The following PCDH11X variants were observed in gnomAD, a reference collection of about 807,000 sequenced individuals.
PCDH11X encodes the protein protocadherin-11 X-linked.
In PCDH11X, 18 loss-of-function variants were observed where a neutral mutation model predicts 53.3. That is an observed-to-expected ratio of 0.34 (90% confidence interval 0.23 to 0.50). The LOEUF is 0.50. Among genes scored for constraint, PCDH11X ranks in the 20% least tolerant of loss-of-function variants. The probability of loss-of-function intolerance (pLI) is 0.98; values close to 1 mark genes in which losing one functional copy is unlikely to be tolerated. For synonymous variants in PCDH11X, 279 were observed against 393.3 expected (o/e 0.71, Z 3.44); for missense variants, 570 against 1,032.4 (o/e 0.55, Z 6.14).
At chrX:91,967,120 T>C (rs1476879001) in intron 6 of PCDH11X, among the ~76,000 whole-genome samples, 2 of 109,451 alleles carry the variant, frequency 1.8e-5, no homozygotes, top group Non-Finnish European at 3.8e-5. Flanking sequence ...CTGAGGATGA[T>C]GGCTTCCAGC....
At chrX:92,617,407 G>A (rs1376166075) in intron 10 of PCDH11X, among the ~76,000 whole-genome samples, 1 of 111,544 alleles carries the variant, frequency 9.0e-6, no homozygotes, top group African/African-American at 3.3e-5. Flanking sequence ...ATATTTTGAA[G>A]CTCTGTTGTA....
intron 9 of PCDH11X, among the ~76,000 whole-genome samples, chrX:92,401,922 C>A (rs1352313357): frequency 8.9e-6 from 1 of 112,049 alleles, no homozygotes; most frequent in Non-Finnish European, 1.9e-5. Context: ...GAGATATAAT[C>A]ATTTTTGTGA....
chrX:92,212,213 T>C (rs1225080597), intron 7 of PCDH11X, among the ~76,000 whole-genome samples: 1 of 111,334 alleles, frequency 9.0e-6, no homozygotes, highest in East Asian at 2.8e-4. Context: ...GGTTTCACCC[T>C]GTTGACCAGG....
At chrX:91,875,247 G>A (rs1036331327) in intron 5 of PCDH11X, among the ~76,000 whole-genome samples, 3 of 106,952 alleles carry the variant, frequency 2.8e-5, no homozygotes, top group African/African-American at 1.0e-4. Flanking sequence ...TTTGTGTGTA[G>A]GGATCATCTT....
intron 6 of PCDH11X, among the ~76,000 whole-genome samples, chrX:91,990,154 T>C (rs2062297604): frequency 9.0e-6 from 1 of 111,164 alleles, no homozygotes. Context: ...TCCATTTGAT[T>C]CTTTTATAAT....
At chrX:92,163,122 C>T (rs1448911873) in intron 6 of PCDH11X, among the ~76,000 whole-genome samples, 1 of 106,085 alleles carries the variant, frequency 9.4e-6, no homozygotes, top group Non-Finnish European at 1.9e-5. Flanking sequence ...AGGGGAAAGC[C>T]GGCAGTTACA....
Position 92,383,774 on chromosome X carries a change from C to T in PCDH11X, c.3145-3961C>T, listed in dbSNP as rs75552040. On this transcript the variant is annotated intron_variant, in intron 8 of 10. Coordinates refer to ENST00000682573, the MANE Select transcript of PCDH11X (RefSeq NM_032968.5). Reference sequence around the variant, plus strand: ...AAGTCTTTGCTATTGTGAACAGTGCCGCAATAAACATACACGTGCATGAGT... The same window carrying T: ...AAGTCTTTGCTATTGTGAACAGTGCTGCAATAAACATACACGTGCATGAGT... Among the ~76,000 whole-genome samples the T allele has an allele frequency of 1.6e-3, 178 of 111,546 alleles. 2 individuals carry two copies. In the East Asian group the frequency reaches 0.042, roughly 26 times the overall value.
chrX:92,424,607 A>G (rs2148618810), intron 9 of PCDH11X, among the ~76,000 whole-genome samples: 1 of 96,168 alleles, frequency 1.0e-5, no homozygotes. Context: ...TGGTTCCTCT[A>G]TGCATTTTCA....
At chrX:92,375,167 T>TATATATATATATATATATA (rs1491474868) in intron 8 of PCDH11X, among the ~76,000 whole-genome samples, 1 of 7,368 alleles carries the variant, frequency 1.4e-4, no homozygotes, top group African/African-American at 7.0e-4. Context: ...TATATATATA[T>TATATATATATATATATATA]TTTTTTTTTT....
chrX:92,169,739 A>G (rs148643157), intron 6 of PCDH11X, among the ~76,000 whole-genome samples: 46,849 of 108,602 alleles, frequency 0.43, 8,652 homozygotes, highest in Non-Finnish European at 0.58. Context: ...GAACTGTGCT[A>G]AACAGTAATG....
chrX:92,185,874 G>A (rs2066083960), intron 6 of PCDH11X, among the ~76,000 whole-genome samples: 1 of 110,938 alleles, frequency 9.0e-6, no homozygotes, highest in East Asian at 2.8e-4. Context: ...TGCTGGCAAG[G>A]ATGAAGAGAA....
chrX:92,497,021 CG>C (rs758308141), intron 10 of PCDH11X, among the ~76,000 whole-genome samples: 9 of 111,769 alleles, frequency 8.1e-5, no homozygotes, highest in Admixed American at 7.6e-4. Flanking sequence ...ATAGTTAAAG[CG>C]GTAAAGCAGA....
At chrX:92,543,405 A>G (rs1380003138) in intron 10 of PCDH11X, among the ~76,000 whole-genome samples, 1 of 110,177 alleles carries the variant, frequency 9.1e-6, no homozygotes, top group Non-Finnish European at 1.9e-5. Flanking sequence ...TTCTAAAAGA[A>G]GACGTTAAGA....
Position 92,183,729 on chromosome X carries a change from G to A in PCDH11X, c.3034-17646G>A, listed in dbSNP as rs141787371. On this transcript the variant is annotated intron_variant, in intron 6 of 10. Coordinates refer to ENST00000682573, the MANE Select transcript of PCDH11X (RefSeq NM_032968.5). ...TCCTTGATCATTCTGTTCCTGCCAC[G>A]CTGGCTTCCTCGTTATTCAGCAGAC... Among the ~76,000 whole-genome samples, 884 of 112,015 alleles carry A rather than the reference G, an allele frequency of 7.9e-3. 9 individuals are homozygous for A. Among genetic ancestry groups the A allele is most frequent in the African/African-American group, 0.027 (838 of 30,860 alleles).
chrX:92,246,772 AAATT>A (rs1224724871), intron 7 of PCDH11X, among the ~76,000 whole-genome samples: 1 of 112,263 alleles, frequency 8.9e-6, no homozygotes, highest in Non-Finnish European at 1.9e-5. Context: ...ATTTAAAAAT[AAATT>A]CAGATAATAT....
intron 8 of PCDH11X, among the ~76,000 whole-genome samples, chrX:92,270,148 C>T (rs1319911284): frequency 9.6e-6 from 1 of 103,915 alleles, no homozygotes; most frequent in Non-Finnish European, 2.0e-5. Context: ...CTCGCTCTGT[C>T]CCCTGGCTGG....
In PCDH11X at chrX:91,975,434, A is replaced by G. The variant is rs1255509381; in HGVS notation, c.3033+96161A>G. Among the ~76,000 whole-genome samples, 10 of 111,503 alleles carry G rather than the reference A, an allele frequency of 9.0e-5. No individual in the cohort carries two copies. The East Asian group carries it at 2.8e-3, about 32-fold the overall frequency. ...ATCTATGTAGAGATGCTGAATGGGC[A>G]GTTGGATATAGGAAATTGGAGTTTG... On this transcript the variant is annotated intron_variant, in intron 6 of 10. Transcript: ENST00000682573.
intron 10 of PCDH11X, among the ~76,000 whole-genome samples, chrX:92,483,320 C>T (rs943188864): frequency 1.0e-5 from 1 of 99,641 alleles, no homozygotes; most frequent in African/African-American, 3.6e-5. Context: ...GTTTGACATT[C>T]CTTGTACCTA....
At chrX:92,476,427 C>A (rs1037837531) in intron 10 of PCDH11X, among the ~76,000 whole-genome samples, 1 of 104,424 alleles carries the variant, frequency 9.6e-6, no homozygotes, top group Non-Finnish European at 1.9e-5. Flanking sequence ...TTAAATTTAT[C>A]TAACAGACTT....
Sources: gnomAD v4.1 joint callset for allele counts (sites outside exome capture counted in the v4.1 genomes callset) on GRCh38, gnomAD v4.1.1 for gene constraint, MANE v1.5 for transcripts, NCBI Gene and HGNC (gene_info 2026-07-23, HGNC 2026-07-21) for gene names.